Variants in GFRA3 observed in about 807,000 individuals in gnomAD.
GFRA3 encodes the protein GDNF family receptor alpha-3.
A neutral mutation model predicts 40.0 loss-of-function variants in GFRA3; 24 were observed. That is an observed-to-expected ratio of 0.60 (90% CI 0.43 to 0.84). The LOEUF (loss-of-function observed/expected upper bound fraction) is 0.84, where lower values mean the gene tolerates loss of function less well. Ranked by LOEUF, GFRA3 falls within the 40% of genes least tolerant of loss-of-function variation. The pLI, the probability that GFRA3 is intolerant of heterozygous loss-of-function variation, is 0.00. For missense variants in GFRA3, 405 were observed against 530.6 expected (o/e 0.76, Z 2.33); for synonymous variants, 203 against 213.5 (o/e 0.95, Z 0.43).
At chr5:138,270,532 A>G (rs1381024950) in intron 1 of GFRA3, among the ~76,000 whole-genome samples, 1 of 151,436 alleles carries the variant, frequency 6.6e-6, no homozygotes. Flanking sequence ...AGGCATAAGA[A>G]TGATACAATG....
At position 138,252,638 on chromosome 5, in the gene GFRA3, A is replaced by C; in HGVS notation, c.*330T>G. The C allele has an allele frequency of 4.6e-6, 1 of 216,936 alleles. No homozygotes were observed. The highest frequency in any genetic ancestry group is 9.3e-6 in the Non-Finnish European group (1 of 107,656). The allele number at this position is 216,936 out of a possible 1,614,324, so 13.4% of individuals were successfully genotyped here. On this transcript the variant is annotated 3_prime_UTR_variant, in exon 8 of 8. Coordinates refer to ENST00000274721, the MANE Select transcript of GFRA3 (RefSeq NM_001496.4). ...CTCCCTACCCTAACCCTAATCTGGA[A>C]TGCAATAGAGAATGGCTAACTTATT...
intron 2 of GFRA3, 78 bp from the exon 3 acceptor site, chr5:138,259,727 G>C: frequency 1.3e-6 from 1 of 777,870 alleles, no homozygotes; most frequent in South Asian, 1.3e-5. Flanking sequence ...TGCTGGCTCA[G>C]ACCTCAAAGG....
rs193921100 is a variant in GFRA3, at chr5:138,253,036, G to T, written c.1135C>A (p.Pro379Thr). The change falls in exon 8 of 8, where the codon CCA (proline) becomes ACA (threonine). Residue 379 changes from proline to threonine, a missense_variant. Physicochemically the swap from Pro to Thr is conservative, Grantham distance 38. Transcript: ENST00000274721. Reference sequence around the variant, plus strand: ...AAAAGAGAGGGCACCCAGGGCTGTGGCCTCACAGCAGGGTTTTCATTCTGT... The same window carrying T: ...AAAAGAGAGGGCACCCAGGGCTGTGTCCTCACAGCAGGGTTTTCATTCTGT... Reference protein sequence around the residue: ...AHQNENPAVRPQPWVPSLFSC... With the variant: ...AHQNENPAVRTQPWVPSLFSC... 2 of 1,598,710 alleles carry T rather than the reference G, an allele frequency of 1.3e-6. No homozygotes were observed. The highest frequency in any genetic ancestry group is 1.7e-6 in the Non-Finnish European group (2 of 1,166,314).
At chr5:138,271,080 C>T (rs1196784591) in intron 1 of GFRA3, among the ~76,000 whole-genome samples, 4 of 151,900 alleles carry the variant, frequency 2.6e-5, no homozygotes, top group African/African-American at 7.3e-5. Context: ...GCAACCTCTG[C>T]CTCCCGGGTT....
At chr5:138,253,105 C>A in intron 7 of GFRA3, 48 bp from the exon 8 acceptor site, 2 of 1,053,582 alleles carry the variant, frequency 1.9e-6, no homozygotes, top group Non-Finnish European at 1.5e-6. Context: ...TTCTTTAGCC[C>A]TTTCACTACC....
intron 1 of GFRA3, among the ~76,000 whole-genome samples, chr5:138,272,194 G>A (rs988146902): frequency 2.0e-5 from 3 of 150,300 alleles, no homozygotes; most frequent in Admixed American, 6.7e-5. Context: ...TTTTAGTAGC[G>A]ACGGGGATTC....
At chr5:138,261,558 G>T (rs1287610947) in intron 2 of GFRA3, among the ~76,000 whole-genome samples, 5 of 151,914 alleles carry the variant, frequency 3.3e-5, no homozygotes, top group African/African-American at 9.7e-5. Context: ...GCCAGGCATG[G>T]TGGCAGGGGC....
chr5:138,271,909 T>TGTGTGTGTGTGTGTGTGTG (rs61550132), intron 1 of GFRA3, among the ~76,000 whole-genome samples: 6 of 99,684 alleles, frequency 6.0e-5, no homozygotes, highest in Non-Finnish European at 1.3e-4. Context: ...TTTTTTTTTT[T>TGTGTGTGTGTGTGTGTGTG]TTTTTGTGTG....
At chr5:138,260,811 T>C (rs969299666) in intron 2 of GFRA3, among the ~76,000 whole-genome samples, 6 of 147,802 alleles carry the variant, frequency 4.1e-5, no homozygotes, top group Non-Finnish European at 8.9e-5. Flanking sequence ...GAATATTCCT[T>C]GAACCTAGGA....
chr5:138,252,839 C>T lies in GFRA3; in HGVS notation c.*129G>A. The T allele has an allele frequency of 1.6e-6, 1 of 610,960 alleles. No individual in the cohort carries two copies. The highest frequency in any genetic ancestry group is 3.0e-6 in the Non-Finnish European group (1 of 333,282). 37.8% of individuals were successfully genotyped at this position (610,960 alleles called of 1,614,324 possible). A position where few individuals can be genotyped will look rare whatever the true frequency, so the allele number is the denominator to read the frequency against. ...ACCAGTAAGGATCTGGAGGTCATAA[C>T]CCTTAGCTTCTCCTGTGCCCTCATC... is the stretch of plus-strand genomic sequence containing the variant. On this transcript the variant is annotated 3_prime_UTR_variant, in exon 8 of 8. Coordinates refer to ENST00000274721, the MANE Select transcript of GFRA3 (RefSeq NM_001496.4).
At chr5:138,272,148 G>A (rs1173235599) in intron 1 of GFRA3, among the ~76,000 whole-genome samples, 3 of 151,090 alleles carry the variant, frequency 2.0e-5, no homozygotes, top group Non-Finnish European at 2.9e-5. Context: ...TGGGACTACA[G>A]GCGCCCACCA....
chr5:138,268,017 C>CGT (rs1391004257), intron 1 of GFRA3, among the ~76,000 whole-genome samples: 1 of 151,700 alleles, frequency 6.6e-6, no homozygotes, highest in African/African-American at 2.4e-5. Context: ...TAAATCTGGC[C>CGT]ACCACGCCTG....
chr5:138,257,406 G>A (rs1755647108), intron 4 of GFRA3, among the ~76,000 whole-genome samples: 1 of 152,154 alleles, frequency 6.6e-6, no homozygotes, highest in African/African-American at 2.4e-5. Context: ...AATTTTTAAT[G>A]ATTTTTTAAA....
At chr5:138,258,492 TC>T (rs1338774732) in intron 3 of GFRA3, among the ~76,000 whole-genome samples, 1 of 152,080 alleles carries the variant, frequency 6.6e-6, no homozygotes, top group East Asian at 1.9e-4. Flanking sequence ...CAACTCCTCA[TC>T]TTGACTACGT....
intron 1 of GFRA3, among the ~76,000 whole-genome samples, chr5:138,273,685 G>A (rs1398417990): frequency 6.6e-6 from 1 of 152,122 alleles, no homozygotes; most frequent in Non-Finnish European, 1.5e-5. Context: ...CACTCACGAA[G>A]GCCATGGGCC....
At chr5:138,264,119 T>C (rs2126616611) in intron 2 of GFRA3, 142 bp downstream of exon 2, 2 of 704,770 alleles carry the variant, frequency 2.8e-6, no homozygotes, top group Non-Finnish European at 4.6e-6. Context: ...GCACTATCCC[T>C]CCACCTTTCC....
At position 138,274,434 on chromosome 5, in the gene GFRA3, T is replaced by C. The variant is rs1338407894; in HGVS notation, c.-10A>G. The C allele has an allele frequency of 1.5e-6, 2 of 1,297,914 alleles. No individual in the cohort carries two copies. The highest frequency in any genetic ancestry group is 2.4e-5 in the South Asian group (1 of 41,188). 80.4% of individuals were successfully genotyped at this position (1,297,914 alleles called of 1,614,324 possible). A position where few individuals can be genotyped will look rare whatever the true frequency, so the allele number is the denominator to read the frequency against. ...TCAGGGGGCGCACCATGGCGAGCTG[T>C]AGGCGCCGGGCTCCGCGCTCCCCTC... is the stretch of plus-strand genomic sequence containing the variant. On this transcript the variant is annotated 5_prime_UTR_variant, in exon 1 of 8. Coordinates refer to ENST00000274721, the MANE Select transcript of GFRA3 (RefSeq NM_001496.4).
In GFRA3 at chr5:138,274,562, T is replaced by C. The variant is rs1374692285; in HGVS notation, c.-138A>G. On this transcript the variant is annotated 5_prime_UTR_variant, in exon 1 of 8. Coordinates refer to ENST00000274721, the MANE Select transcript of GFRA3 (RefSeq NM_001496.4). ...CGCACACACTCTCCCACCAGGGTCCTGGGCGCCGCCCTCCAACTCCGAAGC... is the reference window on the plus strand; with the variant it reads ...CGCACACACTCTCCCACCAGGGTCCCGGGCGCCGCCCTCCAACTCCGAAGC... 12 of 1,214,410 alleles carry C rather than the reference T, an allele frequency of 9.9e-6. No homozygotes were observed. Among genetic ancestry groups the C allele is most frequent in the African/African-American group, 3.1e-5 (2 of 63,552 alleles). The allele number at this position is 1,214,410 out of a possible 1,614,324, so 75.2% of individuals were successfully genotyped here.
At chr5:138,258,080 C>G in intron 3 of GFRA3, 129 bp from the exon 4 acceptor site, 1 of 701,450 alleles carries the variant, frequency 1.4e-6, no homozygotes, top group Non-Finnish European at 2.5e-6. Context: ...GAAGGCCTGT[C>G]ATGAATAAAC....
Sources: gnomAD v4.1 joint callset for allele counts (sites outside exome capture counted in the v4.1 genomes callset) on GRCh38, gnomAD v4.1.1 for gene constraint, MANE v1.5 for transcripts, NCBI Gene and HGNC (gene_info 2026-07-23, HGNC 2026-07-21) for gene names.